Variants in CSK observed in about 807,000 individuals in gnomAD.
CSK encodes the protein tyrosine-protein kinase CSK.
A neutral mutation model predicts 62.3 loss-of-function variants in CSK; 7 were observed. The observed-to-expected ratio is 0.11, with a 90% CI of 0.06 to 0.21. The LOEUF is 0.21. Among genes scored for constraint, CSK ranks in the 10% least tolerant of loss-of-function variants. The pLI is 1.00. For synonymous variants in CSK, 237 were observed against 246.0 expected, an observed-to-expected ratio of 0.96 and a Z score of 0.34; for missense variants, 294 against 613.5, an observed-to-expected ratio of 0.48 and a Z score of 5.50.
chr15:74,789,460 G>A (rs1180979828), intron 1 of CSK, among the ~76,000 whole-genome samples: 1 of 152,204 alleles, frequency 6.6e-6, no homozygotes, highest in Admixed American at 6.5e-5. Context: ...TCAGCCTGGT[G>A]TCCTCTGCAG....
intron 1 of CSK, among the ~76,000 whole-genome samples, chr15:74,796,922 A>T (rs1392583225): frequency 6.6e-6 from 1 of 152,126 alleles, no homozygotes; most frequent in Non-Finnish European, 1.5e-5. Context: ...CTTCTTGGTT[A>T]ACATTTTATT....
In CSK at chr15:74,798,060, A is replaced by T. The variant is rs367754084; in HGVS notation, c.-65-173A>T. 1 of 484,038 alleles carries T rather than the reference A, an allele frequency of 2.1e-6. No individual in the cohort carries two copies. The highest frequency in any genetic ancestry group is 3.8e-5 in the Admixed American group (1 of 26,344). The allele number at this position is 484,038 out of a possible 1,614,324, so 30.0% of individuals were successfully genotyped here. On this transcript the variant is annotated intron_variant, in intron 1 of 12. Transcript: ENST00000220003. The surrounding 1 kb of genome is among the most constrained non-coding windows in gnomAD (Gnocchi z 6.6). Reference sequence around the variant, plus strand: ...CTGCCCCTGGGGGTCCTCAGCCCTCATGCTCCTCTACCCAGTACCGTCAGC... The same window carrying T: ...CTGCCCCTGGGGGTCCTCAGCCCTCTTGCTCCTCTACCCAGTACCGTCAGC...
At chr15:74,786,232 G>C (rs942951602) in intron 1 of CSK, among the ~76,000 whole-genome samples, 15 of 151,898 alleles carry the variant, frequency 9.9e-5, no homozygotes, top group African/African-American at 3.6e-4. Context: ...TGTTGGTCAG[G>C]CTGGTCTCAA....
intron 1 of CSK, among the ~76,000 whole-genome samples, chr15:74,792,850 G>T (rs1393783094): frequency 6.6e-6 from 1 of 152,212 alleles, no homozygotes; most frequent in Non-Finnish European, 1.5e-5. Flanking sequence ...CAGGAAGTCA[G>T]CGTGAAGCAC....
chr15:74,785,659 G>C (rs964479634), intron 1 of CSK, among the ~76,000 whole-genome samples: 6 of 152,216 alleles, frequency 3.9e-5, no homozygotes, highest in Non-Finnish European at 7.3e-5. Flanking sequence ...GAGTAGGATT[G>C]GCATTGTTGA....
rs1432218680 is a variant in CSK, at chr15:74,802,683, C to G, written c.*170C>G. On this transcript the variant is annotated 3_prime_UTR_variant, in exon 13 of 13. Coordinates refer to ENST00000220003, the MANE Select transcript of CSK (RefSeq NM_004383.3). Reference sequence around the variant, plus strand: ...CCGGCCCCGTCTCTCTTGGACCCACCTGTGGGGCCTGGGGAGCCCACTGAG... The same window carrying G: ...CCGGCCCCGTCTCTCTTGGACCCACGTGTGGGGCCTGGGGAGCCCACTGAG... 1 of 790,982 alleles carries G rather than the reference C, an allele frequency of 1.3e-6. No homozygotes were observed. The highest frequency in any genetic ancestry group is 3.7e-5 in the Admixed American group (1 of 26,696). 49.0% of individuals were successfully genotyped at this position (790,982 alleles called of 1,614,324 possible). A position where few individuals can be genotyped will look rare whatever the true frequency, so the allele number is the denominator to read the frequency against.
intron 6 of CSK, 44 bp from the exon 7 acceptor site, chr15:74,800,637 A>T (rs1567219179): frequency 6.5e-7 from 1 of 1,537,978 alleles, no homozygotes; most frequent in Non-Finnish European, 8.8e-7. Flanking sequence ...CATCCCAGCC[A>T]TGTCCCTAGT....
chr15:74,796,328 G>A (rs546941347), intron 1 of CSK, among the ~76,000 whole-genome samples: 10 of 152,302 alleles, frequency 6.6e-5, no homozygotes, highest in Non-Finnish European at 5.9e-5. Flanking sequence ...TGAGTAGGCT[G>A]AGGAGGAAGA....
chr15:74,801,209 T>C, intron 9 of CSK, 107 bp downstream of exon 9: 1 of 1,259,090 alleles, frequency 7.9e-7, no homozygotes, highest in Non-Finnish European at 1.1e-6. Context: ...AGTGAGCTTT[T>C]AGGTCACCAG....
At chr15:74,797,750 T>C (rs1239463243) in intron 1 of CSK, among the ~76,000 whole-genome samples, 1 of 152,106 alleles carries the variant, frequency 6.6e-6, no homozygotes, top group Non-Finnish European at 1.5e-5. Flanking sequence ...ACACATGTCC[T>C]GTGTCCTCTC....
At chr15:74,802,143 G>A (rs548254097) in intron 12 of CSK, 60 bp downstream of exon 12, 41 of 1,552,002 alleles carry the variant, frequency 2.6e-5, no homozygotes, top group Admixed American at 7.0e-5. Context: ...TGGCAGGGGC[G>A]TGAGCCTCCT....
At chr15:74,800,529 T>C (rs1433666731) in intron 6 of CSK, 24 bp downstream of exon 6, 28 of 1,603,680 alleles carry the variant, frequency 1.7e-5, no homozygotes, top group Non-Finnish European at 2.3e-5. Flanking sequence ...ACCCCAGACC[T>C]CTTGCCCACC....
rs773452877 is a variant in CSK at position 74,800,860 on chromosome 15, C to T, written c.660C>T (p.Ala220=). The T allele has an allele frequency of 1.1e-5, 18 of 1,613,240 alleles. No homozygotes were observed. The highest frequency in any genetic ancestry group is 1.1e-4 in the East Asian group (5 of 44,902). ...MLGDYRGNKV[A]VKCIKNDATA... ...GCGATTACCGAGGGAACAAAGTCGC[C>T]GTCAAGTGCATTAAGAACGACGCCA... The change falls in exon 8 of 13, where the codon GCC becomes GCT. Residue 220 remains alanine (A), a synonymous_variant. Coordinates refer to ENST00000220003, the MANE Select transcript of CSK (RefSeq NM_004383.3).
At chr15:74,790,177 C>T (rs1239758699) in intron 1 of CSK, among the ~76,000 whole-genome samples, 2 of 152,248 alleles carry the variant, frequency 1.3e-5, no homozygotes, top group African/African-American at 4.8e-5. Context: ...TCTCCGGGGG[C>T]CAGGGCCCTG....
chr15:74,800,212 G>T (rs917285334), intron 5 of CSK, among the ~76,000 whole-genome samples, 200 bp from the exon 6 acceptor site: 2 of 152,170 alleles, frequency 1.3e-5, no homozygotes, highest in East Asian at 3.8e-4. Context: ...ACCGCATGTA[G>T]GGTGGCATGG....
intron 12 of CSK, 103 bp downstream of exon 12, chr15:74,802,186 C>T (rs2063803020): frequency 7.1e-7 from 1 of 1,416,158 alleles, no homozygotes; most frequent in East Asian, 2.3e-5. Context: ...GGCCTAGAAG[C>T]CTCAGGCCTG....
In CSK at chr15:74,802,440, C is replaced by T. The variant is rs1012429693; in HGVS notation, c.1280C>T (p.Ala427Val). Residue 427 changes from alanine to valine, a missense_variant, in exon 13 of 13, where the codon GCC becomes GTC. By Grantham distance (64) the Ala-to-Val change is moderately conservative. Transcript: ENST00000220003. ...ATGAAGAACTGCTGGCACCTGGACG[C>T]CGCCATGCGGCCCTCCTTCCTACAG... ...EVMKNCWHLD[A>V]AMRPSFLQLR... 4.3e-6 allele frequency: 7 copies of T among 1,612,734 alleles called. No individual in the cohort carries two copies. In the African/African-American group the frequency reaches 6.7e-5, roughly 15 times the overall value.
At chr15:74,799,135 A>T (rs2063751020) in intron 4 of CSK, 137 bp from the exon 5 acceptor site, 1 of 1,028,846 alleles carries the variant, frequency 9.7e-7, no homozygotes, top group Non-Finnish European at 1.4e-6. Flanking sequence ...AGGGACAGGG[A>T]GCAGAAGAAG....
At chr15:74,790,241 G>T (rs889230623) in intron 1 of CSK, among the ~76,000 whole-genome samples, 2 of 152,228 alleles carry the variant, frequency 1.3e-5, no homozygotes, top group African/African-American at 2.4e-5. Context: ...TTTTAGCTGG[G>T]CGTAAACAGT....
Sources: allele counts gnomAD v4.1 joint callset (sites outside exome capture counted in the v4.1 genomes callset), GRCh38; gene constraint gnomAD v4.1.1; non-coding constraint Gnocchi (gnomAD v3.1); transcripts MANE v1.5; gene names NCBI Gene and HGNC (gene_info 2026-07-23, HGNC 2026-07-21).